SDK1: variants seen among roughly 807,000 people sequenced by gnomAD.
SDK1 encodes protein sidekick-1.
In SDK1, 157 loss-of-function variants were observed where a neutral mutation model predicts 245.5. The observed-to-expected ratio is 0.64, with a 90% confidence interval of 0.56 to 0.73. The LOEUF (loss-of-function observed/expected upper bound fraction) is 0.73, where lower values mean the gene tolerates loss of function less well. Among genes scored for constraint, SDK1 ranks in the 30% least tolerant of loss-of-function variants. The probability of loss-of-function intolerance (pLI) is 0.00; values close to 1 mark genes in which losing one functional copy is unlikely to be tolerated. For synonymous variants in SDK1, 1,647 were observed against 1,278.5 expected (o/e 1.29, Z -6.15); for missense variants, 3,583 against 3,002.3 (o/e 1.19, Z -4.52).
At chr7:3,394,201 C>T (rs1186342897) in intron 1 of SDK1, among the ~76,000 whole-genome samples, 1 of 152,130 alleles carries the variant, frequency 6.6e-6, no homozygotes, top group Non-Finnish European at 1.5e-5. Flanking sequence ...TACTTCTCCC[C>T]CGACCCTCAT....
chr7:3,336,987 CTT>C (rs1361775627), intron 1 of SDK1, among the ~76,000 whole-genome samples: 1 of 152,066 alleles, frequency 6.6e-6, no homozygotes, highest in Non-Finnish European at 1.5e-5. Context: ...TCTGGGGTCT[CTT>C]AATATCAAAA....
chr7:3,761,012 A>G (rs904855861), intron 4 of SDK1, among the ~76,000 whole-genome samples: 2 of 152,232 alleles, frequency 1.3e-5, no homozygotes, highest in African/African-American at 2.4e-5. Context: ...ATTTGCCTAC[A>G]TGTAATTTTT....
intron 4 of SDK1, among the ~76,000 whole-genome samples, chr7:3,674,264 A>G (rs529171001): frequency 7.9e-5 from 12 of 152,284 alleles, no homozygotes; most frequent in South Asian, 4.1e-4. Context: ...AGTGTTACAG[A>G]TGGAGGCAAT....
intron 1 of SDK1, among the ~76,000 whole-genome samples, chr7:3,581,050 G>A (rs1310328321): frequency 6.8e-6 from 1 of 147,754 alleles, no homozygotes; most frequent in Non-Finnish European, 1.5e-5. Context: ...CATAAGAACT[G>A]GCGTTAATTG....
At chr7:3,911,543 C>T (rs1779162695) in intron 5 of SDK1, among the ~76,000 whole-genome samples, 1 of 152,202 alleles carries the variant, frequency 6.6e-6, no homozygotes, top group Non-Finnish European at 1.5e-5. Flanking sequence ...TTCACAAGGG[C>T]TCTGCCCTCC....
At chr7:3,352,835 G>A (rs1780696245) in intron 1 of SDK1, among the ~76,000 whole-genome samples, 1 of 151,950 alleles carries the variant, frequency 6.6e-6, no homozygotes, top group Admixed American at 6.6e-5. Flanking sequence ...CACAGTGTCT[G>A]GGGAGGAAAT....
At chr7:3,515,054 G>T (rs1196674287) in intron 1 of SDK1, among the ~76,000 whole-genome samples, 2 of 152,112 alleles carry the variant, frequency 1.3e-5, no homozygotes, top group Admixed American at 6.6e-5. Flanking sequence ...GAGTTCCCTT[G>T]ACATCATCCA....
At chr7:3,735,565 C>T (rs1779296734) in intron 4 of SDK1, among the ~76,000 whole-genome samples, 1 of 152,174 alleles carries the variant, frequency 6.6e-6, no homozygotes, top group Non-Finnish European at 1.5e-5. Flanking sequence ...CTGTTTATCC[C>T]TCCACAGACA....
At chr7:3,676,816 G>T (rs780830220) in intron 4 of SDK1, among the ~76,000 whole-genome samples, 1 of 152,200 alleles carries the variant, frequency 6.6e-6, no homozygotes, top group Non-Finnish European at 1.5e-5. Flanking sequence ...TTGTTGATCA[G>T]ATGGTTGTAG....
At chr7:4,031,526 T>C (rs1455670513) in intron 17 of SDK1, among the ~76,000 whole-genome samples, 1 of 151,576 alleles carries the variant, frequency 6.6e-6, no homozygotes, top group Non-Finnish European at 1.5e-5. Context: ...CCTTCCCGAT[T>C]ACTAAAACAT....
chr7:4,169,022 A>G (rs1388600152), intron 32 of SDK1, among the ~76,000 whole-genome samples: 1 of 152,160 alleles, frequency 6.6e-6, no homozygotes. Flanking sequence ...CTGGGTGCGC[A>G]GGCATGTGCT....
chr7:3,970,097 C>G (rs1392485155), intron 11 of SDK1, among the ~76,000 whole-genome samples: 2 of 152,210 alleles, frequency 1.3e-5, no homozygotes, highest in African/African-American at 4.8e-5. Flanking sequence ...TGCCAATACA[C>G]TTTCTCCTCT....
In SDK1 at chr7:3,486,625, G is replaced by A. The variant is rs921623937; in HGVS notation, c.299-132455G>A. Among the ~76,000 whole-genome samples, 9 of 151,930 alleles carry A rather than the reference G, an allele frequency of 5.9e-5. No individual in the cohort carries two copies. In the South Asian group the frequency reaches 1.9e-3, roughly 32 times the overall value. On this transcript the variant is annotated intron_variant, in intron 1 of 44. Transcript: ENST00000404826. ...TTTGTTATGTATGTATGATGAAAAT[G>A]GAAATTTTTCTTCAGTTTTTTTTTC...
intron 4 of SDK1, among the ~76,000 whole-genome samples, chr7:3,736,243 G>C (rs756038980): frequency 4.6e-5 from 7 of 152,012 alleles, no homozygotes; most frequent in Non-Finnish European, 7.4e-5. Context: ...ATATAATCTA[G>C]TTACTTCTTT....
At chr7:3,419,282 CT>C (rs1216881141) in intron 1 of SDK1, among the ~76,000 whole-genome samples, 1 of 152,212 alleles carries the variant, frequency 6.6e-6, no homozygotes, top group Admixed American at 6.5e-5. Context: ...GGCATCCTGG[CT>C]TCAGAATCCA....
At chr7:3,320,731 G>A (rs1459337897) in intron 1 of SDK1, among the ~76,000 whole-genome samples, 1 of 151,948 alleles carries the variant, frequency 6.6e-6, no homozygotes, top group Non-Finnish European at 1.5e-5. Flanking sequence ...AGTTATCTTT[G>A]TTAAAAAAGA....
At position 3,961,428 on chromosome 7, in the gene SDK1, G is replaced by T. The variant is rs540840241; in HGVS notation, c.1235-1229G>T. Among the ~76,000 whole-genome samples, 5 of 152,228 alleles carry T rather than the reference G, an allele frequency of 3.3e-5. No individual in the cohort carries two copies. The East Asian group carries it at 9.6e-4, about 29-fold the overall frequency. ...GTCGACATCTCACACCTACCCACAC[G>T]CCATCTTAAATCAAGGGATTTTGGT... On this transcript the variant is annotated intron_variant, in intron 8 of 44. Transcript: ENST00000404826.
intron 4 of SDK1, among the ~76,000 whole-genome samples, chr7:3,676,498 T>A (rs1268859037): frequency 6.6e-6 from 1 of 151,884 alleles, no homozygotes; most frequent in East Asian, 1.9e-4. Flanking sequence ...GCTAATTTTT[T>A]ATATTGTTAG....
Position 3,327,002 on chromosome 7 carries a change from G to C in SDK1, c.298+25118G>C, listed in dbSNP as rs1224136720. Among the ~76,000 whole-genome samples the C allele has an allele frequency of 2.0e-5, 3 of 152,242 alleles. No individual in the cohort carries two copies. In the South Asian group the frequency reaches 6.2e-4, roughly 32 times the overall value. ...ACACCAATTGCAAAAGTGTAATTTAGCTCTTAGGTTGAATAATCTTAAGCT... is the reference window on the plus strand; with the variant it reads ...ACACCAATTGCAAAAGTGTAATTTACCTCTTAGGTTGAATAATCTTAAGCT... On this transcript the variant is annotated intron_variant, in intron 1 of 44. Transcript: ENST00000404826.
Sources: gnomAD v4.1 joint callset for allele counts (sites outside exome capture counted in the v4.1 genomes callset) on GRCh38, gnomAD v4.1.1 for gene constraint, MANE v1.5 for transcripts, NCBI Gene and HGNC (gene_info 2026-07-23, HGNC 2026-07-21) for gene names.